Variants in CHAF1A observed in about 807,000 individuals in gnomAD.
The protein encoded by CHAF1A is chromatin assembly factor 1 subunit A.
CHAF1A carries 5 observed loss-of-function variants against 93.2 expected under a neutral mutation model. The ratio of observed to expected loss-of-function variants is 0.05; its 90% CI spans 0.03 to 0.11. The LOEUF (loss-of-function observed/expected upper bound fraction) is 0.11. Among genes scored for constraint, CHAF1A ranks in the 10% least tolerant of loss-of-function variants. The pLI is 1.00. For synonymous variants in CHAF1A, 504 were observed against 510.3 expected (o/e 0.99, Z 0.17); for missense variants, 1,102 against 1,259.9 (o/e 0.87, Z 1.90).
At position 4,442,266 on chromosome 19, in the gene CHAF1A, G is replaced by C; in HGVS notation, c.2695G>C (p.Gly899Arg). Residue 899 changes from glycine to arginine, a missense_variant, in exon 14 of 15, where the codon GGC (glycine) becomes CGC (arginine). This residue lies in a region of CHAF1A where 119 missense variants were observed against 102.2 expected (regional missense o/e 1.16). Transcript: ENST00000301280. Reference protein sequence around the residue: ...DGQIGAEDMDGFQADTEEEEE... With the variant: ...DGQIGAEDMDRFQADTEEEEE... Reference sequence around the variant, plus strand: ...CCAGATTGGTGCTGAAGACATGGACGGCTTCCAGGCAGACACGGAGGAGGA... The same window carrying C: ...CCAGATTGGTGCTGAAGACATGGACCGCTTCCAGGCAGACACGGAGGAGGA... 3 of 1,613,978 alleles carry C rather than the reference G, an allele frequency of 1.9e-6. No individual in the cohort carries two copies. The highest frequency in any genetic ancestry group is 1.7e-6 in the Non-Finnish European group (2 of 1,179,958).
intron 13 of CHAF1A, among the ~76,000 whole-genome samples, chr19:4,437,528 T>C (rs2145145325): frequency 6.6e-6 from 1 of 152,170 alleles, no homozygotes; most frequent in South Asian, 2.1e-4. Context: ...TTTTCAAATA[T>C]TCTGTAGAGA....
chr19:4,438,021 G>A (rs858045), intron 13 of CHAF1A, among the ~76,000 whole-genome samples: 11 of 152,164 alleles, frequency 7.2e-5, no homozygotes, highest in East Asian at 5.8e-4. Context: ...GATTACAGGC[G>A]TGAGACACCA....
rs569963648 is a variant in CHAF1A at position 4,416,168 on chromosome 19, C to T, written c.961-1852C>T. Among the ~76,000 whole-genome samples, 93 of 151,596 alleles carry T rather than the reference C, an allele frequency of 6.1e-4. 1 individual carries two copies. Among genetic ancestry groups the T allele is most frequent in the African/African-American group, 2.1e-3 (85 of 41,332 alleles). On this transcript the variant is annotated intron_variant, in intron 3 of 14. Transcript: ENST00000301280. ...CAGCCTGGGCGACAGAGCGAGACTC[C>T]GTCTCAAAAAAAAAAAGAAATCACT...
rs556356005 is a variant in CHAF1A, at chr19:4,432,358, G to A, written c.2203+151G>A. On this transcript the variant is annotated intron_variant, in intron 12 of 14. Coordinates refer to ENST00000301280, the MANE Select transcript of CHAF1A (RefSeq NM_005483.3). ...GCCCTTTTCCTGTACATGTCCGTAC[G>A]TTCAATGATGTCCCTAGCAGCAGGA... 253 of 889,450 alleles carry A rather than the reference G, an allele frequency of 2.8e-4. 1 individual carries two copies. The African/African-American group carries it at 3.8e-3, about 13-fold the overall frequency. 55.1% of individuals were successfully genotyped at this position (889,450 alleles called of 1,614,324 possible).
chr19:4,442,855 G>A (rs1974419542), intron 14 of CHAF1A, 70 bp from the exon 15 acceptor site: 1 of 1,180,750 alleles, frequency 8.5e-7, no homozygotes, highest in Non-Finnish European at 1.2e-6. Context: ...TGAGGCAGCA[G>A]GGTGGGGTCT....
downstream of CHAF1A, among the ~76,000 whole-genome samples, chr19:4,444,349 G>A (rs187041056): frequency 1.4e-4 from 22 of 152,154 alleles, no homozygotes; most frequent in East Asian, 4.1e-3. Context: ...GAGTCCCTGT[G>A]TCTCCTGGGG....
chr19:4,420,621 T>G (rs987522181), intron 4 of CHAF1A, among the ~76,000 whole-genome samples: 1 of 152,136 alleles, frequency 6.6e-6, no homozygotes. Context: ...ATGAGGAACG[T>G]AGTGATGAAG....
At chr19:4,408,633 C>T (rs1456936045) in intron 2 of CHAF1A, among the ~76,000 whole-genome samples, 1 of 151,350 alleles carries the variant, frequency 6.6e-6, no homozygotes, top group Non-Finnish European at 1.5e-5. Context: ...GCCACCATGG[C>T]CTGGCTAATT....
At position 4,402,665 on chromosome 19, in the gene CHAF1A, G is replaced by GGCAGCAGCC. The variant is rs1973602275; in HGVS notation, c.-90_-89insCGCAGCAGC. 1 of 794,570 alleles carries GGCAGCAGCC rather than the reference G, an allele frequency of 1.3e-6. No individual in the cohort carries two copies. The highest frequency in any genetic ancestry group is 4.8e-5 in the Admixed American group (1 of 21,028). The allele number at this position is 794,570 out of a possible 1,614,324, so 49.2% of individuals were successfully genotyped here. Reference sequence around the variant, plus strand: ...CAAATACGAGCGCGGCGGCCGCGGCGGCAGCAGCGGCGCGGGCGGGAGGGC... The same window carrying GGCAGCAGCC: ...CAAATACGAGCGCGGCGGCCGCGGCGGCAGCAGCCGCAGCAGCGGCGCGGGCGGGAGGGC... On this transcript the variant is annotated 5_prime_UTR_variant, in exon 1 of 15. Coordinates refer to ENST00000301280, the MANE Select transcript of CHAF1A (RefSeq NM_005483.3).
downstream of CHAF1A, chr19:4,449,804 G>A (rs556860761): frequency 1.3e-5 from 2 of 152,118 alleles, no homozygotes; most frequent in East Asian, 1.9e-4. Flanking sequence ...GTGGGGCTGA[G>A]AAGAAAGCTG....
chr19:4,444,481 A>T (rs1376749927), downstream of CHAF1A: 1 of 152,310 alleles, frequency 6.6e-6, no homozygotes, highest in Non-Finnish European at 1.5e-5. Flanking sequence ...CCTCCTGGAG[A>T]GTTTCCCAGT....
chr19:4,404,265 G>A (rs534138492), intron 1 of CHAF1A, among the ~76,000 whole-genome samples: 2 of 152,344 alleles, frequency 1.3e-5, no homozygotes, highest in African/African-American at 2.4e-5. Flanking sequence ...ACACATATGT[G>A]TTAATCGTGT....
intron 7 of CHAF1A, among the ~76,000 whole-genome samples, chr19:4,426,938 A>G (rs1436330336): frequency 6.6e-6 from 1 of 151,656 alleles, no homozygotes; most frequent in Non-Finnish European, 1.5e-5. Flanking sequence ...CTAAAAATAC[A>G]AAAATTAGCC....
intron 1 of CHAF1A, 109 bp downstream of exon 1, chr19:4,402,923 C>CA: frequency 1.6e-6 from 1 of 635,954 alleles, no homozygotes; most frequent in Non-Finnish European, 2.2e-6. Context: ...CCTGGTCCTG[C>CA]GGGCCGGGCG....
intron 13 of CHAF1A, among the ~76,000 whole-genome samples, chr19:4,436,001 T>A (rs1425513980): frequency 6.6e-6 from 1 of 152,026 alleles, no homozygotes; most frequent in Non-Finnish European, 1.5e-5. Context: ...TAGCTGGGCA[T>A]GGTGGCAGGT....
chr19:4,406,488 GCAGTGGTGCGATCTCTGCT>G (rs1973683405), intron 2 of CHAF1A, among the ~76,000 whole-genome samples: 1 of 147,904 alleles, frequency 6.8e-6, no homozygotes, highest in African/African-American at 2.5e-5. Flanking sequence ...AGGCTGGAGT[GCAGTGGTGCGATCTCTGCT>G]CACTGCAACC....
chr19:4,422,898 C>G lies in CHAF1A; in HGVS notation c.1247+103C>G. 9.3e-7 allele frequency: 1 copy of G among 1,071,178 alleles called. No homozygotes were observed. The highest frequency in any genetic ancestry group is 1.4e-6 in the Non-Finnish European group (1 of 736,004). The allele number at this position is 1,071,178 out of a possible 1,614,324, so 66.4% of individuals were successfully genotyped here. On this transcript the variant is annotated intron_variant, in intron 5 of 14. Coordinates refer to ENST00000301280, the MANE Select transcript of CHAF1A (RefSeq NM_005483.3). This position sits in a 1 kb window ranked among gnomAD's most constrained non-coding sequence, Gnocchi z 4.6. ...TCCACTTCACAGGCAGATGGCGGCT[C>G]CCTTCAGTTCCTTCCCATTTCTCCT...
At chr19:4,447,790 C>T, downstream of CHAF1A, 1 of 681,990 alleles carries the variant, frequency 1.5e-6, no homozygotes, top group Non-Finnish European at 2.6e-6. Context: ...GGGTGGAAGG[C>T]ACACCTCGGA....
chr19:4,446,997 C>G, downstream of CHAF1A: 2 of 1,456,578 alleles, frequency 1.4e-6, no homozygotes, highest in Non-Finnish European at 1.9e-6. Context: ...AGTCCAGGGG[C>G]CCGGCTCTCG....
Sources: gnomAD v4.1 joint callset for allele counts (sites outside exome capture counted in the v4.1 genomes callset) on GRCh38, gnomAD v4.1.1 for gene constraint, gnomAD v4.1.1 regional missense constraint, Gnocchi (gnomAD v3.1) non-coding constraint, MANE v1.5 for transcripts, NCBI Gene and HGNC (gene_info 2026-07-23, HGNC 2026-07-21) for gene names.